Variants in MAP3K9 observed in about 807,000 individuals in gnomAD.
MAP3K9 encodes mixed lineage kinase 1 (tyr and ser/thr specificity).
A neutral mutation model predicts 95.8 loss-of-function variants in MAP3K9; 46 were observed. The ratio of observed to expected loss-of-function variants is 0.48; its 90% CI spans 0.38 to 0.61. The LOEUF is 0.61. MAP3K9 is among the 20% of genes least tolerant of loss of function. The pLI is 0.00. For missense variants in MAP3K9, 1,296 were observed against 1,474.3 expected (o/e 0.88, Z 1.98); for synonymous variants, 533 against 593.8 (o/e 0.90, Z 1.49).
rs894307881 is a variant in MAP3K9 at position 70,794,156 on chromosome 14, A to C, written c.820+6511T>G. Among the ~76,000 whole-genome samples, 10 of 152,350 alleles carry C rather than the reference A, an allele frequency of 6.6e-5. No individual in the cohort carries two copies. In the South Asian group the frequency reaches 2.1e-3, roughly 32 times the overall value. On this transcript the variant is annotated intron_variant, in intron 2 of 11. Coordinates refer to ENST00000554752, the MANE Select transcript of MAP3K9 (RefSeq NM_001284230.2). Reference sequence around the variant, plus strand: ...GCCAGCAAGGAGGAAAGGGGAGACCAGCTTGGCTAAAGAAGAAAGTGCCTC... The same window carrying C: ...GCCAGCAAGGAGGAAAGGGGAGACCCGCTTGGCTAAAGAAGAAAGTGCCTC...
chr14:70,796,369 C>T (rs1454629370), intron 2 of MAP3K9, among the ~76,000 whole-genome samples: 1 of 152,204 alleles, frequency 6.6e-6, no homozygotes, highest in Non-Finnish European at 1.5e-5. Context: ...GGGGTCTGAG[C>T]CACACGTCCC....
intron 2 of MAP3K9, among the ~76,000 whole-genome samples, chr14:70,773,592 A>C (rs2054557853): frequency 6.6e-6 from 1 of 152,196 alleles, no homozygotes; most frequent in Non-Finnish European, 1.5e-5. Context: ...GGTAACTAAA[A>C]AGTGTCATTG....
Position 70,809,222 on chromosome 14 carries a change from C to T in MAP3K9, c.-51G>A. 7.8e-7 allele frequency: 1 copy of T among 1,285,226 alleles called. No homozygotes were observed. Among genetic ancestry groups the T allele is most frequent in the Non-Finnish European group, 9.8e-7 (1 of 1,022,326 alleles). 79.6% of individuals were successfully genotyped at this position (1,285,226 alleles called of 1,614,324 possible). A position where few individuals can be genotyped will look rare whatever the true frequency, so the allele number is the denominator to read the frequency against. The stretch of plus-strand genomic sequence containing the variant: ...GGCCGCCGCCGCCCGCAGGAGCCGC[C>T]GCCGCCTATTGTTCATGCGCCTCCG... On this transcript the variant is annotated 5_prime_UTR_variant, in exon 1 of 12. Coordinates refer to ENST00000554752, the MANE Select transcript of MAP3K9 (RefSeq NM_001284230.2).
At chr14:70,768,538 T>C (rs1421916550) in intron 2 of MAP3K9, among the ~76,000 whole-genome samples, 1 of 152,140 alleles carries the variant, frequency 6.6e-6, no homozygotes, top group Non-Finnish European at 1.5e-5. Context: ...AAATGAATGT[T>C]GATCCTCCAT....
chr14:70,783,880 A>G (rs1399749439), intron 2 of MAP3K9, among the ~76,000 whole-genome samples: 1 of 152,264 alleles, frequency 6.6e-6, no homozygotes, highest in African/African-American at 2.4e-5. Flanking sequence ...AGACGTGTCC[A>G]AACCCTTTTT....
At chr14:70,766,877 T>C (rs1018989343) in intron 2 of MAP3K9, among the ~76,000 whole-genome samples, 1 of 152,216 alleles carries the variant, frequency 6.6e-6, no homozygotes, top group Non-Finnish European at 1.5e-5. Flanking sequence ...GCACTTCTTT[T>C]TCCTGAATTC....
chr14:70,727,081 C>G lies in MAP3K9; in HGVS notation c.*3299G>C, dbSNP rs995735579. Reference sequence around the variant, plus strand: ...TGAATTTTCATCTTTAAGCATTTCCCCTTCTCTACTAGCAAGGGTATCAAA... The same window carrying G: ...TGAATTTTCATCTTTAAGCATTTCCGCTTCTCTACTAGCAAGGGTATCAAA... On this transcript the variant is annotated 3_prime_UTR_variant, in exon 12 of 12. Coordinates refer to ENST00000554752, the MANE Select transcript of MAP3K9 (RefSeq NM_001284230.2). 3.5e-4 allele frequency: 53 copies of G among 152,310 alleles called. No homozygotes were observed. Among genetic ancestry groups the G allele is most frequent in the African/African-American group, 1.2e-3 (50 of 41,566 alleles). 9.4% of individuals were successfully genotyped at this position (152,310 alleles called of 1,614,324 possible). A position where few individuals can be genotyped will look rare whatever the true frequency, so the allele number is the denominator to read the frequency against.
At chr14:70,807,456 C>T (rs2055002491) in intron 1 of MAP3K9, among the ~76,000 whole-genome samples, 1 of 152,132 alleles carries the variant, frequency 6.6e-6, no homozygotes, top group Admixed American at 6.5e-5. Context: ...CACCACTGAA[C>T]TCCAACCTGG....
chr14:70,806,295 A>G (rs2054989287), intron 1 of MAP3K9, among the ~76,000 whole-genome samples: 1 of 152,204 alleles, frequency 6.6e-6, no homozygotes, highest in Admixed American at 6.5e-5. Context: ...AATCTCCCTC[A>G]TGTAACTTAT....
Position 70,730,311 on chromosome 14 carries a change from A to G in MAP3K9, c.*69T>C. 6.5e-7 allele frequency: 1 copy of G among 1,540,194 alleles called. No individual in the cohort carries two copies. ...ATCTCAGGGGGTCCAACCCTGAGAAAGGGCTGTGCCCGCCAGCTCCCCTCA... is the reference window on the plus strand; with the variant it reads ...ATCTCAGGGGGTCCAACCCTGAGAAGGGGCTGTGCCCGCCAGCTCCCCTCA... On this transcript the variant is annotated 3_prime_UTR_variant, in exon 12 of 12. Coordinates refer to ENST00000554752, the MANE Select transcript of MAP3K9 (RefSeq NM_001284230.2).
chr14:70,764,043 G>A (rs1232045222), intron 2 of MAP3K9, among the ~76,000 whole-genome samples: 10 of 147,836 alleles, frequency 6.8e-5, no homozygotes, highest in African/African-American at 1.0e-4. Flanking sequence ...AAAATTAGCT[G>A]GGCGCGGTGG....
rs1594785849 is a variant in MAP3K9 at position 70,761,066 on chromosome 14, A to C, written c.937T>G (p.Tyr313Asp). The part of the protein sequence containing the change: ...RTTKMSAAGT[Y>D]AWMAPEVIRA... Reference sequence around the variant, plus strand: ...ATGACTTCGGGTGCCATCCAAGCATACGTCCCTGCCGCACTCATCTTGGTG... The same window carrying C: ...ATGACTTCGGGTGCCATCCAAGCATCCGTCCCTGCCGCACTCATCTTGGTG... The change falls in exon 3 of 12, where the codon TAT becomes GAT. Residue 313 changes from tyrosine to aspartate, a missense_variant. Physicochemically the swap from Tyr to Asp is radical, Grantham distance 160. Around this residue, in one of 5 missense-constraint regions of MAP3K9, gnomAD observed 136 missense variants for 221.5 expected, o/e 0.61. Coordinates refer to ENST00000554752, the MANE Select transcript of MAP3K9 (RefSeq NM_001284230.2). 3.1e-6 allele frequency: 5 copies of C among 1,613,112 alleles called. No homozygotes were observed. Among genetic ancestry groups the C allele is most frequent in the Non-Finnish European group, 4.2e-6 (5 of 1,179,650 alleles).
chr14:70,771,588 C>T (rs2054532308), intron 2 of MAP3K9, among the ~76,000 whole-genome samples: 1 of 152,036 alleles, frequency 6.6e-6, no homozygotes, highest in South Asian at 2.1e-4. Flanking sequence ...CTCGCTCCAC[C>T]ACTGTGTGAC....
chr14:70,796,511 C>G (rs945969134), intron 2 of MAP3K9, among the ~76,000 whole-genome samples: 4 of 152,198 alleles, frequency 2.6e-5, no homozygotes, highest in Non-Finnish European at 4.4e-5. Flanking sequence ...AATGCCCTTC[C>G]TTGATAACAG....
intron 6 of MAP3K9, 106 bp downstream of exon 6, chr14:70,742,245 C>T (rs772742681): frequency 2.4e-5 from 35 of 1,449,766 alleles, no homozygotes; most frequent in Non-Finnish European, 3.3e-5. Flanking sequence ...GGAGTTTGAG[C>T]CCCAGGGTGT....
chr14:70,802,746 A>G (rs2054944543), intron 1 of MAP3K9, among the ~76,000 whole-genome samples: 1 of 152,128 alleles, frequency 6.6e-6, no homozygotes, highest in South Asian at 2.1e-4. Flanking sequence ...TTCAATGCCT[A>G]TTGTCCAGGC....
intron 8 of MAP3K9, among the ~76,000 whole-genome samples, chr14:70,737,646 T>A (rs1163467626): frequency 6.6e-6 from 1 of 152,204 alleles, no homozygotes; most frequent in Admixed American, 6.5e-5. Context: ...ACAACTGTAC[T>A]ACCAGGGCTG....
intron 2 of MAP3K9, among the ~76,000 whole-genome samples, chr14:70,772,180 C>T (rs919252562): frequency 2.0e-5 from 3 of 152,220 alleles, no homozygotes; most frequent in African/African-American, 7.2e-5. Context: ...TCCGCATTGT[C>T]AGCAGAGCTG....
At chr14:70,760,187 T>A (rs964830625) in intron 3 of MAP3K9, among the ~76,000 whole-genome samples, 1 of 132,722 alleles carries the variant, frequency 7.5e-6, no homozygotes, top group Admixed American at 7.6e-5. Flanking sequence ...ACAGCTCACT[T>A]TACAACACAT....
Sources: gnomAD v4.1 joint callset for allele counts (sites outside exome capture counted in the v4.1 genomes callset) on GRCh38, gnomAD v4.1.1 for gene constraint, gnomAD v4.1.1 regional missense constraint, MANE v1.5 for transcripts, NCBI Gene and HGNC (gene_info 2026-07-23, HGNC 2026-07-21) for gene names.